Variants in SRP9 observed in about 807,000 individuals in gnomAD.
SRP9 encodes the protein signal recognition particle 9 kDa protein.
A neutral mutation model predicts 11.7 loss-of-function variants in SRP9; 2 were observed. That is an observed-to-expected ratio of 0.17 (90% CI 0.07 to 0.54). The LOEUF is 0.54. Ranked by LOEUF, SRP9 falls within the 20% of genes least tolerant of loss-of-function variation. The pLI is 0.94. For missense variants in SRP9, 54 were observed against 108.1 expected (o/e 0.50, Z 2.22); for synonymous variants, 27 against 35.6 (o/e 0.76, Z 0.86).
intron 2 of SRP9, among the ~76,000 whole-genome samples, chr1:225,785,756 C>T (rs1445477636): frequency 2.0e-5 from 3 of 150,374 alleles, no homozygotes; most frequent in African/African-American, 7.3e-5. Flanking sequence ...ATTCTTGGCT[C>T]ACTGCAACCT....
At chr1:225,788,971 G>A in intron 2 of SRP9, 5 of 1,542,452 alleles carry the variant, frequency 3.2e-6, no homozygotes, top group Non-Finnish European at 4.4e-6. Context: ...GACCATAGCA[G>A]GATTTAACAT....
At chr1:225,788,619 T>C (rs1219583610) in intron 2 of SRP9, among the ~76,000 whole-genome samples, 1 of 152,024 alleles carries the variant, frequency 6.6e-6, no homozygotes, top group Non-Finnish European at 1.5e-5. Context: ...TTTCACCATA[T>C]TGGCCAGGCT....
At chr1:225,780,331 T>C (rs375276598) in intron 1 of SRP9, among the ~76,000 whole-genome samples, 6 of 151,834 alleles carry the variant, frequency 4.0e-5, no homozygotes, top group Non-Finnish European at 8.8e-5. Context: ...TTGACTGATA[T>C]GTTGAGAGGG....
chr1:225,784,799 G>T (rs905422741), intron 2 of SRP9, among the ~76,000 whole-genome samples: 2 of 151,870 alleles, frequency 1.3e-5, no homozygotes, highest in Non-Finnish European at 2.9e-5. Context: ...CAGAGATCGT[G>T]CCACTGCACT....
At chr1:225,787,563 G>A (rs554704562) in intron 2 of SRP9, among the ~76,000 whole-genome samples, 37 of 152,198 alleles carry the variant, frequency 2.4e-4, no homozygotes, top group African/African-American at 8.4e-4. Flanking sequence ...AATAAATGCA[G>A]AACGAATTTT....
At chr1:225,787,941 A>C (rs566127590) in intron 2 of SRP9, among the ~76,000 whole-genome samples, 3 of 152,198 alleles carry the variant, frequency 2.0e-5, no homozygotes, top group Non-Finnish European at 4.4e-5. Context: ...TTGAACTTCA[A>C]GTTATTTAAG....
intron 1 of SRP9, among the ~76,000 whole-genome samples, chr1:225,780,367 T>C (rs946243033): frequency 1.3e-5 from 2 of 151,814 alleles, no homozygotes; most frequent in African/African-American, 4.8e-5. Flanking sequence ...GAGGAAGAGC[T>C]TAACAGTTTT....
At chr1:225,783,531 C>A (rs1040872490) in intron 2 of SRP9, among the ~76,000 whole-genome samples, 163 bp downstream of exon 2, 1 of 152,094 alleles carries the variant, frequency 6.6e-6, no homozygotes, top group Admixed American at 6.6e-5. Context: ...TTTTATAGAC[C>A]CTCAGGAAAT....
intron 2 of SRP9, among the ~76,000 whole-genome samples, chr1:225,786,296 CT>C (rs1470625318): frequency 5.9e-5 from 9 of 152,268 alleles, no homozygotes; most frequent in African/African-American, 2.2e-4. Flanking sequence ...TCACATTTGT[CT>C]TTTTAATAGA....
rs1666005453 is a variant in SRP9 at position 225,790,419 on chromosome 1, T to C, written c.*1060T>C. 1 of 152,256 alleles carries C rather than the reference T, an allele frequency of 6.6e-6. No homozygotes were observed. The highest frequency in any genetic ancestry group is 1.5e-5 in the Non-Finnish European group (1 of 68,046). 9.4% of individuals were successfully genotyped at this position (152,256 alleles called of 1,614,324 possible). ...GTAAGTTCCCTTAGCTATATGAATT[T>C]TGGCATGTTTCAGAGAGATCAGTAA... On this transcript the variant is annotated 3_prime_UTR_variant, in exon 3 of 3. Transcript: ENST00000304786.
At chr1:225,789,182 C>A (rs940711428) in intron 2 of SRP9, 58 bp from the exon 3 acceptor site, 1 of 1,571,932 alleles carries the variant, frequency 6.4e-7, no homozygotes, top group African/African-American at 1.4e-5. Context: ...TGTATGTTTT[C>A]TACATTGTCA....
At position 225,783,289 on chromosome 1, in the gene SRP9, T is replaced by G. The variant is rs1665834980; in HGVS notation, c.73-11T>G. 2 of 1,605,320 alleles carry G rather than the reference T, an allele frequency of 1.2e-6. No individual in the cohort carries two copies. The highest frequency in any genetic ancestry group is 1.7e-6 in the Non-Finnish European group (2 of 1,173,474). On this transcript the variant is annotated splice_polypyrimidine_tract_variant and intron_variant, in intron 1 of 2. Coordinates refer to ENST00000304786, the MANE Select transcript of SRP9 (RefSeq NM_003133.6). ...GTCTTCACTGTTTCTAAATATGTAT[T>G]TTTGTTTCAGGCACGTGTGGTTCTC...
chr1:225,785,923 C>T lies in SRP9; in HGVS notation c.141+2555C>T, dbSNP rs946680092. Among the ~76,000 whole-genome samples, 15 of 151,930 alleles carry T rather than the reference C, an allele frequency of 9.9e-5. No individual in the cohort carries two copies. In the South Asian group the frequency reaches 2.5e-3, roughly 25 times the overall value. On this transcript the variant is annotated intron_variant, in intron 2 of 2. Transcript: ENST00000304786. ...CTGGAGTTGAACTCCTGACCTCAAG[C>T]GATCCACCCACCTCGGCCTCCCAAA...
chr1:225,785,013 C>G (rs949408837), intron 2 of SRP9, among the ~76,000 whole-genome samples: 1 of 152,054 alleles, frequency 6.6e-6, no homozygotes, highest in Non-Finnish European at 1.5e-5. Flanking sequence ...TGGCTTCAAG[C>G]AGTCCTCCCA....
chr1:225,784,229 C>CTTTTTTTTT lies in SRP9; in HGVS notation c.141+888_141+896dup, dbSNP rs561503475. On this transcript the variant is annotated intron_variant, in intron 2 of 2. Coordinates refer to ENST00000304786, the MANE Select transcript of SRP9 (RefSeq NM_003133.6). ...TCTACAGTGGAGTTTATCACCTGTT[C>CTTTTTTTTT]TTTTTTTTTTTTTTTTTTTTTTTTT... Among the ~76,000 whole-genome samples the CTTTTTTTTT allele has an allele frequency of 2.2e-3, 77 of 34,464 alleles. 15 individuals carry two copies. Among genetic ancestry groups the CTTTTTTTTT allele is most frequent in the Non-Finnish European group, 2.6e-3 (52 of 19,852 alleles). The allele number at this position is 34,464 out of a possible 152,430, so 22.6% of individuals were successfully genotyped here.
chr1:225,786,791 C>T (rs1245284993), intron 2 of SRP9: 4 of 1,250,192 alleles, frequency 3.2e-6, no homozygotes, highest in Admixed American at 5.4e-5. Flanking sequence ...GAGTGCTTAC[C>T]CTTGGTAGAT....
intron 2 of SRP9, among the ~76,000 whole-genome samples, chr1:225,785,296 C>T (rs1443745068): frequency 7.0e-6 from 1 of 142,820 alleles, no homozygotes; most frequent in Non-Finnish European, 1.5e-5. Flanking sequence ...CCAGGATGGT[C>T]TCCATCTCTT....
At chr1:225,782,277 C>T in intron 1 of SRP9, among the ~76,000 whole-genome samples, 1 of 152,100 alleles carries the variant, frequency 6.6e-6, no homozygotes, top group Non-Finnish European at 1.5e-5. Flanking sequence ...CATTCTCTTG[C>T]CTCAGCCTCC....
chr1:225,778,043 C>G (rs369808788), intron 1 of SRP9, 31 bp downstream of exon 1: 1 of 1,612,712 alleles, frequency 6.2e-7, no homozygotes. Flanking sequence ...CTGCTTTGGG[C>G]CCCAGCCCAG....
Sources: gnomAD v4.1 joint callset for allele counts (sites outside exome capture counted in the v4.1 genomes callset) on GRCh38, gnomAD v4.1.1 for gene constraint, MANE v1.5 for transcripts, NCBI Gene and HGNC (gene_info 2026-07-23, HGNC 2026-07-21) for gene names.